The following MYO10 variants were observed in gnomAD, a reference collection of about 807,000 sequenced individuals.
The protein encoded by MYO10 is myosin X.
Under a neutral mutation model 257.3 loss-of-function variants are expected in MYO10, and 133 were observed. The ratio of observed to expected loss-of-function variants is 0.52; its 90% CI spans 0.45 to 0.60. The LOEUF is 0.60. Among genes scored for constraint, MYO10 ranks in the 20% least tolerant of loss-of-function variants. The probability of loss-of-function intolerance (pLI) is 0.00; values close to 1 mark genes in which losing one functional copy is unlikely to be tolerated. For missense variants in MYO10, 2,399 were observed against 2,635.7 expected (o/e 0.91, Z 1.97); for synonymous variants, 1,104 against 1,028.6 (o/e 1.07, Z -1.40).
chr5:16,775,367 T>C (rs1210378040), intron 9 of MYO10, among the ~76,000 whole-genome samples: 1 of 152,158 alleles, frequency 6.6e-6, no homozygotes, highest in East Asian at 1.9e-4. Context: ...CTCAATGAAA[T>C]AAGCAAAATT....
chr5:16,719,989 C>CGTGTGTGT (rs10526050), intron 19 of MYO10, among the ~76,000 whole-genome samples: 3,816 of 143,440 alleles, frequency 0.027, 63 homozygotes, highest in East Asian at 0.037. Context: ...TGTGTGCGTG[C>CGTGTGTGT]GTGTGTGTGT....
At chr5:16,882,708 T>C (rs986636243) in intron 1 of MYO10, among the ~76,000 whole-genome samples, 4 of 152,072 alleles carry the variant, frequency 2.6e-5, no homozygotes, top group Non-Finnish European at 5.9e-5. Flanking sequence ...GGCAAATCCA[T>C]AGACACAGAC....
intron 10 of MYO10, among the ~76,000 whole-genome samples, chr5:16,767,962 G>A (rs1218466545): frequency 6.6e-6 from 1 of 152,050 alleles, no homozygotes; most frequent in Non-Finnish European, 1.5e-5. Context: ...ACAGGCATGG[G>A]CCACTGTGCC....
chr5:16,799,524 G>A (rs932302897), intron 3 of MYO10, among the ~76,000 whole-genome samples: 12 of 150,048 alleles, frequency 8.0e-5, no homozygotes, highest in African/African-American at 2.7e-4. Flanking sequence ...ACTGAGTCTC[G>A]CTCTGTCATC....
intron 21 of MYO10, 76 bp from the exon 22 acceptor site, chr5:16,704,761 T>A: frequency 8.8e-7 from 1 of 1,136,422 alleles, no homozygotes; most frequent in Non-Finnish European, 1.3e-6. Flanking sequence ...GTCAAAGATA[T>A]CTTCTGGAGT....
intron 19 of MYO10, among the ~76,000 whole-genome samples, chr5:16,716,089 A>G (rs1485832748): frequency 6.6e-6 from 1 of 152,016 alleles, no homozygotes; most frequent in African/African-American, 2.4e-5. Flanking sequence ...TACCAGTCTA[A>G]CACTGAGGCA....
chr5:16,888,696 C>T (rs1744960625), intron 1 of MYO10, among the ~76,000 whole-genome samples: 1 of 151,412 alleles, frequency 6.6e-6, no homozygotes, highest in South Asian at 2.1e-4. Flanking sequence ...GAGCTCTGAT[C>T]GTGCTACTGC....
At chr5:16,823,738 T>C (rs1442583182) in intron 2 of MYO10, among the ~76,000 whole-genome samples, 3 of 146,456 alleles carry the variant, frequency 2.0e-5, no homozygotes, top group Non-Finnish European at 4.5e-5. Context: ...TCCCAAAATG[T>C]TGGGATTACA....
Position 16,701,730 on chromosome 5 carries a change from C to G in MYO10, c.2665G>C (p.Glu889Gln), listed in dbSNP as rs1383178727. The G allele has an allele frequency of 6.2e-7, 1 of 1,614,028 alleles. No individual in the cohort carries two copies. The highest frequency in any genetic ancestry group is 1.1e-5 in the South Asian group (1 of 91,090). The stretch of plus-strand genomic sequence containing the variant: ...ATTTCTTTCTCCAGACGGAGGATCT[C>G]TTCCACCTGCTTATTTTCCTTCTGT... ...EKQKENKQVE[E>Q]ILRLEKEIED... is the part of the protein sequence containing the mutation. Residue 889 changes from glutamate to glutamine, a missense_variant, in exon 25 of 41, where the codon GAG becomes CAG. Glu to Gln is a conservative substitution (Grantham distance 29). Coordinates refer to ENST00000513610, the MANE Select transcript of MYO10 (RefSeq NM_012334.3). The surrounding 1 kb of genome is among the most constrained non-coding windows in gnomAD (Gnocchi z 8.1).
chr5:16,702,500 G>T (rs1738126187), intron 24 of MYO10, 43 bp downstream of exon 24: 9 of 1,549,510 alleles, frequency 5.8e-6, no homozygotes, highest in Non-Finnish European at 7.9e-6. Context: ...AAGTGGGAAG[G>T]AAGTAGAAAC....
chr5:16,915,117 T>C (rs1424841087), intron 1 of MYO10, among the ~76,000 whole-genome samples: 1 of 152,204 alleles, frequency 6.6e-6, no homozygotes. Context: ...TGATCGCTAA[T>C]GGCCAACTGC....
intron 1 of MYO10, among the ~76,000 whole-genome samples, chr5:16,922,278 C>T (rs111907305): frequency 8.7e-4 from 132 of 151,982 alleles, no homozygotes; most frequent in Admixed American, 2.7e-3. Flanking sequence ...CATGGGCCCA[C>T]ATCTGAGAAT....
At chr5:16,815,227 G>A (rs1742568072) in intron 3 of MYO10, 2 of 475,388 alleles carry the variant, frequency 4.2e-6, no homozygotes, top group Non-Finnish European at 7.4e-6. Context: ...AATATAGATT[G>A]AGCATCCCTT....
In MYO10 at chr5:16,688,362, G is replaced by A. The variant is rs189147573; in HGVS notation, c.3896+1462C>T. On this transcript the variant is annotated intron_variant, in intron 28 of 40. Coordinates refer to ENST00000513610, the MANE Select transcript of MYO10 (RefSeq NM_012334.3). ...GATTCAAAGGGCAAGGGGTAGTGAG[G>A]GGTCCTGAGAACATACTAGAAGGTC... Among the ~76,000 whole-genome samples, 166 of 152,238 alleles carry A rather than the reference G, an allele frequency of 1.1e-3. 1 individual carries two copies. The highest frequency in any genetic ancestry group is 4.0e-3 in the African/African-American group (165 of 41,534).
At chr5:16,879,873 C>G (rs188073862) in intron 1 of MYO10, among the ~76,000 whole-genome samples, 1 of 152,164 alleles carries the variant, frequency 6.6e-6, no homozygotes, top group Non-Finnish European at 1.5e-5. Flanking sequence ...CATGATAACA[C>G]TGTTTAAAAT....
intron 30 of MYO10, among the ~76,000 whole-genome samples, chr5:16,682,460 T>C (rs951677487): frequency 2.6e-5 from 4 of 152,132 alleles, no homozygotes; most frequent in Non-Finnish European, 4.4e-5. Flanking sequence ...AAATGCTTGA[T>C]TACGCTTTAT....
intron 19 of MYO10, among the ~76,000 whole-genome samples, chr5:16,752,658 T>C (rs565447998): frequency 1.2e-4 from 18 of 152,312 alleles, no homozygotes; most frequent in Middle Eastern, 3.4e-3. Flanking sequence ...ATCATCCTTA[T>C]TGTAGAAAGA....
intron 3 of MYO10, among the ~76,000 whole-genome samples, chr5:16,800,367 G>A (rs1742086478): frequency 6.6e-6 from 1 of 152,074 alleles, no homozygotes. Flanking sequence ...AGACCAGCCT[G>A]GGCAATATAG....
chr5:16,903,096 C>T (rs908957858), intron 1 of MYO10, among the ~76,000 whole-genome samples: 7 of 152,224 alleles, frequency 4.6e-5, no homozygotes, highest in Non-Finnish European at 8.8e-5. Context: ...TCTTAAAACA[C>T]CCTGTGAGTG....
Sources: allele counts gnomAD v4.1 joint callset (sites outside exome capture counted in the v4.1 genomes callset), GRCh38; gene constraint gnomAD v4.1.1; non-coding constraint Gnocchi (gnomAD v3.1); transcripts MANE v1.5; gene names NCBI Gene and HGNC (gene_info 2026-07-23, HGNC 2026-07-21).